The following ZNF385B variants were observed in gnomAD, a reference collection of about 807,000 sequenced individuals.
ZNF385B encodes the protein zinc finger protein 533.
A neutral mutation model predicts 39.2 loss-of-function variants in ZNF385B; 23 were observed. That is an observed-to-expected ratio of 0.59 (90% CI 0.42 to 0.83). The LOEUF (loss-of-function observed/expected upper bound fraction) is 0.83. ZNF385B is among the 40% of genes least tolerant of loss of function. The pLI is 0.00. For missense variants in ZNF385B, 552 were observed against 598.9 expected (o/e 0.92, Z 0.82); for synonymous variants, 205 against 222.6 (o/e 0.92, Z 0.70).
chr2:179,848,165 C>T (rs1465436608), intron 1 of ZNF385B, among the ~76,000 whole-genome samples: 1 of 152,130 alleles, frequency 6.6e-6, no homozygotes, highest in Non-Finnish European at 1.5e-5. Flanking sequence ...GAGAAATGGG[C>T]TCAGGGCAAA....
intron 3 of ZNF385B, among the ~76,000 whole-genome samples, chr2:179,600,810 C>T (rs973008128): frequency 6.6e-6 from 1 of 152,152 alleles, no homozygotes; most frequent in Non-Finnish European, 1.5e-5. Context: ...TACTTTTCTT[C>T]CTCCATTACA....
chr2:179,554,960 T>C (rs1355589766), intron 3 of ZNF385B, among the ~76,000 whole-genome samples: 2 of 149,348 alleles, frequency 1.3e-5, no homozygotes, highest in Admixed American at 6.7e-5. Context: ...AAGCTGAATA[T>C]ATAAATACCC....
intron 3 of ZNF385B, among the ~76,000 whole-genome samples, chr2:179,735,270 C>T (rs2106437748): frequency 6.7e-6 from 1 of 149,740 alleles, no homozygotes; most frequent in South Asian, 2.1e-4. Context: ...AGCCAAAAAA[C>T]ACATGAAAAA....
chr2:179,795,278 A>G (rs527920166), intron 1 of ZNF385B, among the ~76,000 whole-genome samples: 1 of 152,240 alleles, frequency 6.6e-6, no homozygotes, highest in East Asian at 1.9e-4. Flanking sequence ...AGAAAAATAT[A>G]GACGCAGGGA....
At chr2:179,457,624 C>T (rs1167572008) in intron 6 of ZNF385B, among the ~76,000 whole-genome samples, 2 of 152,086 alleles carry the variant, frequency 1.3e-5, no homozygotes, top group African/African-American at 4.8e-5. Context: ...TGTATTTCCC[C>T]AATAGCTAGT....
chr2:179,479,682 A>G (rs1490142319), intron 6 of ZNF385B, among the ~76,000 whole-genome samples: 1 of 152,096 alleles, frequency 6.6e-6, no homozygotes, highest in Non-Finnish European at 1.5e-5. Context: ...TCTACTAAAA[A>G]TACAAAAATT....
At chr2:179,493,566 C>T (rs542599545) in intron 5 of ZNF385B, among the ~76,000 whole-genome samples, 26 of 121,796 alleles carry the variant, frequency 2.1e-4, no homozygotes, top group Non-Finnish European at 4.0e-4. Flanking sequence ...CACATATATG[C>T]GTATACATAT....
intron 3 of ZNF385B, among the ~76,000 whole-genome samples, chr2:179,739,324 G>A (rs994341597): frequency 1.3e-5 from 2 of 152,208 alleles, no homozygotes; most frequent in Middle Eastern, 3.2e-3. Flanking sequence ...TATAGGCTGA[G>A]TGGTGAGAGA....
chr2:179,530,692 A>G (rs752749147), intron 4 of ZNF385B, among the ~76,000 whole-genome samples: 2 of 152,202 alleles, frequency 1.3e-5, no homozygotes, highest in Non-Finnish European at 2.9e-5. Context: ...ACCTTTGAAT[A>G]TATTTCTGTT....
chr2:179,445,097 G>T, intron 8 of ZNF385B, 120 bp from the exon 9 acceptor site: 2 of 816,870 alleles, frequency 2.4e-6, no homozygotes, highest in Non-Finnish European at 2.1e-6. Flanking sequence ...CGATGGTGTG[G>T]GTAAAATCAT....
In ZNF385B at chr2:179,606,118, A is replaced by G. The variant is rs371225439; in HGVS notation, c.299-61149T>C. ...AAATTTGTAGGAATAAACTAACCAT[A>G]TCTGTTAACATTTACACAAAATTAA... On this transcript the variant is annotated intron_variant, in intron 3 of 9. Coordinates refer to ENST00000410066, the MANE Select transcript of ZNF385B (RefSeq NM_152520.6). 7.2e-5 allele frequency among the ~76,000 whole-genome samples: 11 copies of G among 152,280 alleles called. No individual in the cohort carries two copies. In the South Asian group the frequency reaches 2.1e-3, roughly 29 times the overall value.
chr2:179,719,140 T>C (rs1441217992), intron 3 of ZNF385B, among the ~76,000 whole-genome samples: 1 of 152,078 alleles, frequency 6.6e-6, no homozygotes, highest in African/African-American at 2.4e-5. Context: ...GACAACCTAG[T>C]CTAGTAAGTC....
chr2:179,722,388 G>A (rs1231403288), intron 3 of ZNF385B, among the ~76,000 whole-genome samples: 1 of 152,006 alleles, frequency 6.6e-6, no homozygotes, highest in Non-Finnish European at 1.5e-5. Flanking sequence ...TGACATTGGT[G>A]TAGAGACAAA....
At chr2:179,497,655 GGAAGA>G (rs2056363020) in intron 5 of ZNF385B, among the ~76,000 whole-genome samples, 1 of 150,366 alleles carries the variant, frequency 6.7e-6, no homozygotes, top group South Asian at 2.1e-4. Flanking sequence ...AAGGAAGGAA[GGAAGA>G]GAAGACCATA....
chr2:179,601,306 C>T (rs1444685365), intron 3 of ZNF385B, among the ~76,000 whole-genome samples: 1 of 152,066 alleles, frequency 6.6e-6, no homozygotes, highest in Non-Finnish European at 1.5e-5. Flanking sequence ...TTGAAGTTCA[C>T]TAAGCAAATT....
At chr2:179,629,950 G>T (rs1691039027) in intron 3 of ZNF385B, among the ~76,000 whole-genome samples, 1 of 152,264 alleles carries the variant, frequency 6.6e-6, no homozygotes. Context: ...CGAGGCAGCA[G>T]CCTGGCTGGG....
intron 3 of ZNF385B, among the ~76,000 whole-genome samples, chr2:179,554,687 CAA>C (rs1205230054): frequency 6.7e-6 from 1 of 148,638 alleles, no homozygotes; most frequent in Non-Finnish European, 1.5e-5. Context: ...GATAAATGGG[CAA>C]AAGAGTTGGA....
chr2:179,512,229 C>A (rs946158638), intron 5 of ZNF385B, among the ~76,000 whole-genome samples: 8 of 152,020 alleles, frequency 5.3e-5, no homozygotes, highest in African/African-American at 1.9e-4. Context: ...ATAAACTGTT[C>A]TGAGATCAAT....
intron 3 of ZNF385B, among the ~76,000 whole-genome samples, chr2:179,695,133 G>T: frequency 6.6e-6 from 1 of 151,988 alleles, no homozygotes; most frequent in East Asian, 1.9e-4. Flanking sequence ...ATTTGAGTTG[G>T]TAAACCACAT....
Sources: gnomAD v4.1 joint callset for allele counts (sites outside exome capture counted in the v4.1 genomes callset) on GRCh38, gnomAD v4.1.1 for gene constraint, MANE v1.5 for transcripts, NCBI Gene and HGNC (gene_info 2026-07-23, HGNC 2026-07-21) for gene names.